NRG1: variants seen among roughly 807,000 people sequenced by gnomAD.
NRG1 encodes the protein pro-neuregulin-1, membrane-bound isoform.
In NRG1, 18 loss-of-function variants were observed where a neutral mutation model predicts 63.8. The ratio of observed to expected loss-of-function variants is 0.28; its 90% CI spans 0.19 to 0.42. NRG1 has a LOEUF of 0.42. NRG1 is among the 10% of genes least tolerant of loss of function. The pLI, the probability that NRG1 is intolerant of heterozygous loss-of-function variation, is 1.00. For missense variants in NRG1, 762 were observed against 814.7 expected, an observed-to-expected ratio of 0.94 and a Z score of 0.79; for synonymous variants, 302 against 301.3, an observed-to-expected ratio of 1.00 and a Z score of -0.02.
At chr8:32,032,323 G>A (rs1199450574) in intron 1 of NRG1, among the ~76,000 whole-genome samples, 1 of 151,874 alleles carries the variant, frequency 6.6e-6, no homozygotes, top group Non-Finnish European at 1.5e-5. Flanking sequence ...TGGTGCAGTG[G>A]CACCATCTTA....
chr8:31,893,931 A>G (rs543736812), intron 1 of NRG1, among the ~76,000 whole-genome samples: 1 of 152,204 alleles, frequency 6.6e-6, no homozygotes, highest in South Asian at 2.1e-4. Flanking sequence ...TAATCTACCT[A>G]CCGAATAGTA....
chr8:32,323,695 C>G (rs1177701075), intron 1 of NRG1, among the ~76,000 whole-genome samples: 1 of 152,236 alleles, frequency 6.6e-6, no homozygotes, highest in African/African-American at 2.4e-5. Flanking sequence ...GATTCATTTC[C>G]TCTTTTTCTC....
chr8:32,032,703 A>T (rs1029005348), intron 1 of NRG1, among the ~76,000 whole-genome samples: 4 of 151,948 alleles, frequency 2.6e-5, no homozygotes, highest in Admixed American at 6.6e-5. Context: ...GATTGAAAAA[A>T]TTTTCTCCCA....
At chr8:31,927,594 G>A (rs998281689) in intron 1 of NRG1, among the ~76,000 whole-genome samples, 9 of 148,276 alleles carry the variant, frequency 6.1e-5, no homozygotes, top group Non-Finnish European at 1.1e-4. Flanking sequence ...GACTACAGGC[G>A]CCCGCCACTA....
chr8:31,966,246 ACC>A (rs1269897479), intron 1 of NRG1, among the ~76,000 whole-genome samples: 1 of 119,114 alleles, frequency 8.4e-6, no homozygotes, highest in Non-Finnish European at 1.8e-5. Context: ...TTTCTGCAAC[ACC>A]TATATCTTAC....
At chr8:32,599,429 T>C (rs572669774) in intron 2 of NRG1, among the ~76,000 whole-genome samples, 1 of 152,294 alleles carries the variant, frequency 6.6e-6, no homozygotes, top group African/African-American at 2.4e-5. Flanking sequence ...AATCTCTTGG[T>C]GTTTAGTGGC....
At chr8:31,853,511 GC>G (rs1827485912) in intron 1 of NRG1, among the ~76,000 whole-genome samples, 1 of 150,126 alleles carries the variant, frequency 6.7e-6, no homozygotes, top group African/African-American at 2.5e-5. Flanking sequence ...GAGATTTTGG[GC>G]TGAGACGATG....
intron 1 of NRG1, among the ~76,000 whole-genome samples, chr8:32,131,967 A>G (rs953835206): frequency 4.6e-5 from 7 of 152,206 alleles, no homozygotes; most frequent in Admixed American, 2.0e-4. Context: ...AAAGGGCACT[A>G]AAAGATATAT....
At chr8:32,079,988 AT>A in intron 1 of NRG1, among the ~76,000 whole-genome samples, 1 of 152,302 alleles carries the variant, frequency 6.6e-6, no homozygotes, top group South Asian at 2.1e-4. Flanking sequence ...AGTAGTAGTA[AT>A]AAAATATTTA....
intron 1 of NRG1, among the ~76,000 whole-genome samples, chr8:32,254,042 T>G (rs979036831): frequency 6.6e-6 from 1 of 152,182 alleles, no homozygotes; most frequent in Admixed American, 6.5e-5. Context: ...GATATCCCCT[T>G]CATCATTTTT....
chr8:32,364,989 C>T (rs1807766046), intron 1 of NRG1, among the ~76,000 whole-genome samples: 1 of 97,910 alleles, frequency 1.0e-5, no homozygotes, highest in African/African-American at 4.2e-5. Flanking sequence ...GACAGGGTCT[C>T]ACCCTGTTGC....
intron 1 of NRG1, among the ~76,000 whole-genome samples, chr8:32,106,509 G>C (rs1477251683): frequency 6.6e-6 from 1 of 152,172 alleles, no homozygotes; most frequent in Admixed American, 6.5e-5. Context: ...CTGATTTCTT[G>C]AAGAAAAGCC....
chr8:31,981,360 T>C (rs996607519), intron 1 of NRG1, among the ~76,000 whole-genome samples: 4 of 152,000 alleles, frequency 2.6e-5, no homozygotes, highest in African/African-American at 7.2e-5. Flanking sequence ...GTAGTTGGAG[T>C]GTATAATCAG....
chr8:32,388,146 T>A (rs889309717), intron 1 of NRG1, among the ~76,000 whole-genome samples: 1 of 152,212 alleles, frequency 6.6e-6, no homozygotes, highest in African/African-American at 2.4e-5. Context: ...GATGTCTTTG[T>A]CATAGCAGCC....
At chr8:32,668,092 A>G (rs1804691196) in intron 5 of NRG1, among the ~76,000 whole-genome samples, 1 of 152,052 alleles carries the variant, frequency 6.6e-6, no homozygotes, top group Non-Finnish European at 1.5e-5. Context: ...GGGTGCCTGT[A>G]GTCCCAGCTA....
intron 1 of NRG1, among the ~76,000 whole-genome samples, chr8:31,817,033 C>CT (rs1354550492): frequency 1.3e-5 from 2 of 152,126 alleles, no homozygotes; most frequent in South Asian, 2.1e-4. Context: ...AAAAAATTCT[C>CT]TAAGAGTGAC....
At chr8:32,232,536 T>C (rs1398431585) in intron 1 of NRG1, among the ~76,000 whole-genome samples, 1 of 152,096 alleles carries the variant, frequency 6.6e-6, no homozygotes, top group Non-Finnish European at 1.5e-5. Flanking sequence ...TACTGGTGCT[T>C]CTTCACAGGG....
intron 9 of NRG1, among the ~76,000 whole-genome samples, chr8:32,757,560 C>T (rs1267224869): frequency 1.3e-5 from 2 of 152,210 alleles, no homozygotes; most frequent in Non-Finnish European, 2.9e-5. Context: ...TAGGTTAACA[C>T]ACTCTGTTGC....
At chr8:31,648,747 A>G (rs1563253648) in intron 1 of NRG1, among the ~76,000 whole-genome samples, 2 of 152,106 alleles carry the variant, frequency 1.3e-5, no homozygotes. Flanking sequence ...CTTCTTTTGA[A>G]AGGCTCAATA....
Sources: gnomAD v4.1 joint callset for allele counts (sites outside exome capture counted in the v4.1 genomes callset) on GRCh38, gnomAD v4.1.1 for gene constraint, MANE v1.5 for transcripts, NCBI Gene and HGNC (gene_info 2026-07-23, HGNC 2026-07-21) for gene names.